SLC33A1: variants seen among roughly 807,000 people sequenced by gnomAD.
The protein encoded by SLC33A1 is acetyl-coenzyme A transporter 1.
Under a neutral mutation model 50.0 loss-of-function variants are expected in SLC33A1, and 20 were observed. That is an observed-to-expected ratio of 0.40 (90% CI 0.28 to 0.58). The LOEUF (loss-of-function observed/expected upper bound fraction) is 0.58, where lower values mean the gene tolerates loss of function less well. Ranked by LOEUF, SLC33A1 falls within the 20% of genes least tolerant of loss-of-function variation. SLC33A1 has a pLI of 0.44. For synonymous variants in SLC33A1, 265 were observed against 251.8 expected, an observed-to-expected ratio of 1.05 and a Z score of -0.50; for missense variants, 476 against 657.0, an observed-to-expected ratio of 0.72 and a Z score of 3.01.
At chr3:155,852,994 T>C (rs1247304715) in intron 1 of SLC33A1, 2 of 575,564 alleles carry the variant, frequency 3.5e-6, no homozygotes, top group African/African-American at 1.9e-5. Context: ...GTTGTGTTAT[T>C]TGATGGGTTG....
At chr3:155,838,951 A>G (rs1408035943) in intron 2 of SLC33A1, among the ~76,000 whole-genome samples, 1 of 151,758 alleles carries the variant, frequency 6.6e-6, no homozygotes, top group Admixed American at 6.6e-5. Flanking sequence ...TCAGTAGTTC[A>G]AGACCAGCCT....
intron 1 of SLC33A1, among the ~76,000 whole-genome samples, chr3:155,851,009 C>T (rs1458734100): frequency 4.6e-5 from 7 of 151,600 alleles, no homozygotes; most frequent in South Asian, 2.1e-4. Context: ...TTTGGGAGGC[C>T]GAGGTGGGCG....
chr3:155,839,373 CAAAAAAAAA>C (rs1198585213), intron 2 of SLC33A1, among the ~76,000 whole-genome samples: 7 of 18,300 alleles, frequency 3.8e-4, no homozygotes, highest in African/African-American at 6.0e-4. Context: ...GACTCTGTCT[CAAAAAAAAA>C]AAAAAAAAAA....
chr3:155,835,806 C>T (rs920059038), intron 2 of SLC33A1, among the ~76,000 whole-genome samples: 1 of 152,096 alleles, frequency 6.6e-6, no homozygotes, highest in African/African-American at 2.4e-5. Context: ...GATCTGGCAA[C>T]ACATTTTTCC....
intron 4 of SLC33A1, among the ~76,000 whole-genome samples, chr3:155,832,057 T>C (rs1752457371): frequency 6.6e-6 from 1 of 152,240 alleles, no homozygotes; most frequent in East Asian, 1.9e-4. Context: ...TGCCATTTAC[T>C]TGAATCACTT....
chr3:155,838,373 C>T (rs1343266334), intron 2 of SLC33A1, among the ~76,000 whole-genome samples: 1 of 151,456 alleles, frequency 6.6e-6, no homozygotes, highest in African/African-American at 2.4e-5. Flanking sequence ...CCCATCTCTA[C>T]AGAAAATGTA....
intron 4 of SLC33A1, among the ~76,000 whole-genome samples, chr3:155,830,338 A>C (rs1012179305): frequency 6.6e-5 from 10 of 152,038 alleles, no homozygotes; most frequent in Non-Finnish European, 8.8e-5. Flanking sequence ...GCACCACTGC[A>C]CTCCAGCCTG....
intron 1 of SLC33A1, among the ~76,000 whole-genome samples, chr3:155,846,095 TAAC>T (rs1753161079): frequency 1.3e-5 from 2 of 152,224 alleles, no homozygotes; most frequent in African/African-American, 4.8e-5. Context: ...TAAGAGCATG[TAAC>T]AATTCATTAG....
At chr3:155,839,170 T>C (rs1752824270) in intron 2 of SLC33A1, among the ~76,000 whole-genome samples, 1 of 150,764 alleles carries the variant, frequency 6.6e-6, no homozygotes, top group Non-Finnish European at 1.5e-5. Flanking sequence ...GGCATGGTGG[T>C]GCATGCCTGT....
At chr3:155,840,988 A>T (rs997110672) in intron 2 of SLC33A1, among the ~76,000 whole-genome samples, 1 of 151,156 alleles carries the variant, frequency 6.6e-6, no homozygotes, top group African/African-American at 2.5e-5. Flanking sequence ...TGTCTCAAAA[A>T]AAATATATAT....
At chr3:155,850,057 G>A (rs1753339039) in intron 1 of SLC33A1, among the ~76,000 whole-genome samples, 2 of 151,440 alleles carry the variant, frequency 1.3e-5, no homozygotes, top group Admixed American at 6.6e-5. Flanking sequence ...CGCCCAGGCT[G>A]GAGTGCAGTG....
rs1752326153 is a variant in SLC33A1, at chr3:155,829,550, AAT to A, written c.1482+136_1482+137del. On this transcript the variant is annotated intron_variant, in intron 5 of 5. Transcript: ENST00000643144. ...AACCCTCAGCCTTGATGTGAAAGAA[AAT>A]ATATATGTAGATTTCTAAACCAGAA... is the stretch of plus-strand genomic sequence containing the variant. The A allele has an allele frequency of 2.9e-5, 20 of 680,072 alleles. 1 individual carries two copies. The South Asian group carries it at 3.6e-4, about 12-fold the overall frequency. 42.1% of individuals were successfully genotyped at this position (680,072 alleles called of 1,614,324 possible). A position where few individuals can be genotyped will look rare whatever the true frequency, so the allele number is the denominator to read the frequency against.
At chr3:155,831,029 AG>A (rs1189801431) in intron 4 of SLC33A1, among the ~76,000 whole-genome samples, 1 of 152,208 alleles carries the variant, frequency 6.6e-6, no homozygotes, top group Non-Finnish European at 1.5e-5. Context: ...AAAATTGAAA[AG>A]GTTCCTTTCA....
rs764421862 is a variant in SLC33A1, at chr3:155,853,228, A to G, written c.770T>C (p.Leu257Pro). 1 of 1,613,194 alleles carries G rather than the reference A, an allele frequency of 6.2e-7. No individual in the cohort carries two copies. Among genetic ancestry groups the G allele is most frequent in the South Asian group, 1.1e-5 (1 of 91,070 alleles). ...TAATAGCTTAAATACACTACCTGAA[A>G]GAGTAACGATTCCTCTGGGTTGAGG... ...FQPQPRGIVT[L>P]SDFLFFWGTV... Residue 257 changes from leucine (L) to proline (P), a missense_variant, in exon 1 of 6, where the codon CTT becomes CCT. Physicochemically the swap from Leu to Pro is moderately conservative, Grantham distance 98. Transcript: ENST00000643144.
At chr3:155,841,652 C>T (rs1234093137) in intron 2 of SLC33A1, among the ~76,000 whole-genome samples, 1 of 152,030 alleles carries the variant, frequency 6.6e-6, no homozygotes, top group African/African-American at 2.4e-5. Flanking sequence ...CCCCGTTTCT[C>T]GTATAATTTT....
intron 1 of SLC33A1, among the ~76,000 whole-genome samples, chr3:155,849,947 A>ATAATAC (rs1753334236): frequency 7.2e-6 from 1 of 138,022 alleles, no homozygotes; most frequent in South Asian, 2.1e-4. Context: ...AATAATAATA[A>ATAATAC]TAATAATAAC....
At chr3:155,853,189 T>C in intron 1 of SLC33A1, 34 bp downstream of exon 1, 1 of 1,579,340 alleles carries the variant, frequency 6.3e-7, no homozygotes, top group Non-Finnish European at 8.7e-7. Context: ...AAAGGATAAA[T>C]AAACCTAACA....
At position 155,827,626 on chromosome 3, in the gene SLC33A1, C is replaced by CT. The variant is rs762573505; in HGVS notation, c.*583dup. ...AAGCAGGAAATACATTTAAAATAGTCTTTTTAACACAGATTCATTTGTACA... is the reference window on the plus strand; with the variant it reads ...AAGCAGGAAATACATTTAAAATAGTCTTTTTTAACACAGATTCATTTGTACA... On this transcript the variant is annotated 3_prime_UTR_variant, in exon 6 of 6. Transcript: ENST00000643144. The CT allele has an allele frequency of 6.6e-6, 1 of 152,058 alleles. No individual in the cohort carries two copies. The highest frequency in any genetic ancestry group is 1.5e-5 in the Non-Finnish European group (1 of 68,008). The allele number at this position is 152,058 out of a possible 1,614,324, so 9.4% of individuals were successfully genotyped here. A position where few individuals can be genotyped will look rare whatever the true frequency, so the allele number is the denominator to read the frequency against.
chr3:155,843,165 C>A (rs1007426052), intron 1 of SLC33A1, among the ~76,000 whole-genome samples: 2 of 152,128 alleles, frequency 1.3e-5, no homozygotes, highest in African/African-American at 4.8e-5. Flanking sequence ...TGAGACATTA[C>A]ATTTAGTGTA....
Sources: gnomAD v4.1 joint callset for allele counts (sites outside exome capture counted in the v4.1 genomes callset) on GRCh38, gnomAD v4.1.1 for gene constraint, MANE v1.5 for transcripts, NCBI Gene and HGNC (gene_info 2026-07-23, HGNC 2026-07-21) for gene names.